Variants in PDZRN3 observed in about 807,000 individuals in gnomAD.
PDZRN3 encodes the protein PDZ domain containing ring finger 3.
Under a neutral mutation model 85.7 loss-of-function variants are expected in PDZRN3, and 38 were observed. The ratio of observed to expected loss-of-function variants is 0.44; its 90% CI spans 0.34 to 0.58. PDZRN3 has a LOEUF of 0.58. PDZRN3 is among the 20% of genes least tolerant of loss of function. PDZRN3 has a pLI of 0.01. For synonymous variants in PDZRN3, 759 were observed against 638.0 expected, an observed-to-expected ratio of 1.19 and a Z score of -2.86; for missense variants, 1,629 against 1,506.4, an observed-to-expected ratio of 1.08 and a Z score of -1.35.
At chr3:73,602,559 G>C (rs1702531103) in intron 2 of PDZRN3, 98 bp from the exon 3 acceptor site, 1 of 690,678 alleles carries the variant, frequency 1.4e-6, no homozygotes, top group East Asian at 2.5e-5. Context: ...CTCTTGCTGT[G>C]TCAAGAGTGG....
intron 3 of PDZRN3, among the ~76,000 whole-genome samples, chr3:73,571,228 T>C (rs947928698): frequency 5.3e-5 from 8 of 152,198 alleles, no homozygotes; most frequent in African/African-American, 1.7e-4. Context: ...GCTTTTATTT[T>C]TCCTATTTTT....
chr3:73,565,786 AACACACACACACAC>A lies in PDZRN3; in HGVS notation c.918+36554_918+36567del, dbSNP rs61564723. ...AACCCTGTCTCTACTAAAAATACAA[AACACACACACACAC>A]ACACACACACACACACACACACACA... On this transcript the variant is annotated intron_variant, in intron 3 of 9. Transcript: ENST00000263666. Among the ~76,000 whole-genome samples, 283 of 37,970 alleles carry A rather than the reference AACACACACACACAC, an allele frequency of 7.5e-3. 3 individuals are homozygous for A. The highest frequency in any genetic ancestry group is 0.013 in the African/African-American group (268 of 21,320). 24.9% of individuals were successfully genotyped at this position (37,970 alleles called of 152,430 possible). A position where few individuals can be genotyped will look rare whatever the true frequency, so the allele number is the denominator to read the frequency against.
intron 3 of PDZRN3, among the ~76,000 whole-genome samples, chr3:73,492,433 C>T (rs1317468243): frequency 6.6e-6 from 1 of 152,142 alleles, no homozygotes; most frequent in Non-Finnish European, 1.5e-5. Flanking sequence ...AATTTATGAC[C>T]CTTGCCTTGA....
chr3:73,594,152 C>T (rs2106884307), intron 3 of PDZRN3: 1 of 152,160 alleles, frequency 6.6e-6, no homozygotes, highest in African/African-American at 2.4e-5. Context: ...ATATACCACA[C>T]AATAAGCTAT....
chr3:73,483,908 G>A (rs954099814), intron 3 of PDZRN3, among the ~76,000 whole-genome samples: 2 of 152,146 alleles, frequency 1.3e-5, no homozygotes, highest in African/African-American at 4.8e-5. Context: ...TCTTTACTGG[G>A]AAGCCGTCAG....
At position 73,383,620 on chromosome 3, in the gene PDZRN3, C is replaced by G; in HGVS notation, c.2946G>C (p.Leu982=). The G allele has an allele frequency of 6.2e-7, 1 of 1,613,964 alleles. No individual in the cohort carries two copies. The highest frequency in any genetic ancestry group is 8.5e-7 in the Non-Finnish European group (1 of 1,180,032). ...YWSKEERKQH[L]VKAKEQRRRR... is the part of the protein sequence containing the mutation. ...GCCGCCGCTGCTCCTTGGCCTTCAC[C>G]AGGTGCTGCTTCCTCTCCTCCTTGC... is the stretch of plus-strand genomic sequence containing the variant. The change falls in exon 10 of 10, where the codon CTG becomes CTC. Residue 982 remains leucine (L), a synonymous_variant. Coordinates refer to ENST00000263666, the MANE Select transcript of PDZRN3 (RefSeq NM_015009.3).
intron 3 of PDZRN3, among the ~76,000 whole-genome samples, chr3:73,523,008 T>G (rs1457922029): frequency 6.6e-6 from 1 of 151,942 alleles, no homozygotes; most frequent in Non-Finnish European, 1.5e-5. Context: ...AGGAAGAGTT[T>G]TTTTTGTTTG....
At chr3:73,533,704 C>T (rs911180221) in intron 3 of PDZRN3, among the ~76,000 whole-genome samples, 3 of 152,108 alleles carry the variant, frequency 2.0e-5, no homozygotes, top group Non-Finnish European at 4.4e-5. Context: ...GAGGGTCTTA[C>T]AAGGTGTAAT....
At chr3:73,475,140 C>A (rs1344692681) in intron 3 of PDZRN3, among the ~76,000 whole-genome samples, 1 of 152,178 alleles carries the variant, frequency 6.6e-6, no homozygotes, top group Non-Finnish European at 1.5e-5. Context: ...ACAGGCCAGT[C>A]TGGCTCCAAG....
chr3:73,580,193 C>CT (rs1215039129), intron 3 of PDZRN3, among the ~76,000 whole-genome samples: 9 of 152,154 alleles, frequency 5.9e-5, no homozygotes, highest in African/African-American at 2.2e-4. Context: ...CTTAAGAATT[C>CT]TTAACAGAGG....
chr3:73,465,801 A>G (rs954457640), intron 3 of PDZRN3, among the ~76,000 whole-genome samples: 3 of 152,238 alleles, frequency 2.0e-5, no homozygotes, highest in African/African-American at 7.2e-5. Flanking sequence ...TAATAGTTAT[A>G]GTCTGATATA....
intron 3 of PDZRN3, among the ~76,000 whole-genome samples, chr3:73,427,208 T>C (rs1295514164): frequency 6.6e-6 from 1 of 152,212 alleles, no homozygotes; most frequent in East Asian, 1.9e-4. Flanking sequence ...CTGACATTTC[T>C]CAGGGCAGCA....
intron 5 of PDZRN3, among the ~76,000 whole-genome samples, chr3:73,399,381 T>C (rs995050029): frequency 1.2e-4 from 18 of 152,156 alleles, no homozygotes; most frequent in Admixed American, 3.3e-4. Flanking sequence ...AAACAGGTAC[T>C]TGGCCAGAGA....
chr3:73,479,860 T>C (rs1703528042), intron 3 of PDZRN3, among the ~76,000 whole-genome samples: 1 of 151,912 alleles, frequency 6.6e-6, no homozygotes, highest in Non-Finnish European at 1.5e-5. Flanking sequence ...TTTGTAAAAC[T>C]AAACATGTAT....
intron 3 of PDZRN3, among the ~76,000 whole-genome samples, chr3:73,514,279 C>T (rs561364140): frequency 6.6e-6 from 1 of 152,290 alleles, no homozygotes; most frequent in East Asian, 1.9e-4. Context: ...TGAGATGACC[C>T]TAAACTACTC....
intron 3 of PDZRN3, among the ~76,000 whole-genome samples, chr3:73,415,498 A>G (rs1027505899): frequency 6.6e-6 from 1 of 152,222 alleles, no homozygotes. Flanking sequence ...TTTGCTATAC[A>G]GATGATCTCC....
chr3:73,520,732 G>A (rs1302148389), intron 3 of PDZRN3, among the ~76,000 whole-genome samples: 1 of 152,212 alleles, frequency 6.6e-6, no homozygotes, highest in East Asian at 1.9e-4. Flanking sequence ...ATGAAAGCAG[G>A]GGTAGGGGGA....
chr3:73,602,106 T>C (rs567740392), intron 3 of PDZRN3, among the ~76,000 whole-genome samples: 90 of 152,174 alleles, frequency 5.9e-4, no homozygotes, highest in African/African-American at 1.9e-3. Context: ...ACGAAACAGA[T>C]TGAGGTCCAC....
At chr3:73,391,947 T>C (rs916790658) in intron 5 of PDZRN3, among the ~76,000 whole-genome samples, 1 of 152,054 alleles carries the variant, frequency 6.6e-6, no homozygotes, top group African/African-American at 2.4e-5. Context: ...TAATTTTTAG[T>C]GTTATCTGCT....
Sources: gnomAD v4.1 joint callset for allele counts (sites outside exome capture counted in the v4.1 genomes callset) on GRCh38, gnomAD v4.1.1 for gene constraint, MANE v1.5 for transcripts, NCBI Gene and HGNC (gene_info 2026-07-23, HGNC 2026-07-21) for gene names.